Variants in C14orf132 observed in about 807,000 individuals in gnomAD.
C14orf132 encodes chromosome 14 open reading frame 132, also known as uncharacterized protein C14orf132.
Under a neutral mutation model 5.8 loss-of-function variants are expected in C14orf132, and 6 were observed. The observed-to-expected ratio is 1.03, with a 90% CI of 0.57 to 2.04. The LOEUF is 2.04. Ranked by LOEUF, C14orf132 falls within the 30% of genes most tolerant of loss-of-function variation. The pLI, the probability that C14orf132 is intolerant of heterozygous loss-of-function variation, is 0.00. For synonymous variants in C14orf132, 51 were observed against 49.8 expected (o/e 1.02, Z -0.10); for missense variants, 125 against 115.8 (o/e 1.08, Z -0.37).
At chr14:96,064,458 G>A (rs934656941) in intron 1 of C14orf132, among the ~76,000 whole-genome samples, 16 of 148,822 alleles carry the variant, frequency 1.1e-4, no homozygotes, top group African/African-American at 2.0e-4. Context: ...ATGTGTATAT[G>A]TATGTATATA....
chr14:96,040,998 T>C (rs575722725), intron 1 of C14orf132, among the ~76,000 whole-genome samples: 2 of 152,302 alleles, frequency 1.3e-5, no homozygotes, highest in Admixed American at 1.3e-4. Flanking sequence ...GAGCATCAGT[T>C]GCTGCCATGG....
intron 1 of C14orf132, among the ~76,000 whole-genome samples, chr14:96,080,787 C>T (rs1425029510): frequency 6.6e-6 from 1 of 152,132 alleles, no homozygotes; most frequent in Non-Finnish European, 1.5e-5. Context: ...ACATCGCACT[C>T]AGCCACCCCA....
intron 1 of C14orf132, among the ~76,000 whole-genome samples, chr14:96,069,624 G>C (rs963383379): frequency 1.3e-5 from 2 of 151,794 alleles, no homozygotes; most frequent in East Asian, 1.9e-4. Context: ...GCTTTTGAAG[G>C]CTTCAGCCTC....
At chr14:96,048,221 G>T (rs967361585) in intron 1 of C14orf132, among the ~76,000 whole-genome samples, 14 of 152,108 alleles carry the variant, frequency 9.2e-5, no homozygotes, top group African/African-American at 3.4e-4. Flanking sequence ...AAAGTCCATA[G>T]TTTACATTAG....
chr14:96,060,820 C>T (rs1275547027), intron 1 of C14orf132, among the ~76,000 whole-genome samples: 4 of 152,190 alleles, frequency 2.6e-5, no homozygotes, highest in Non-Finnish European at 5.9e-5. Context: ...CCACATCTCC[C>T]GTGCCAAACA....
chr14:96,075,553 G>A (rs143236757), intron 1 of C14orf132, among the ~76,000 whole-genome samples: 163 of 152,234 alleles, frequency 1.1e-3, no homozygotes, highest in African/African-American at 3.8e-3. Flanking sequence ...GCTATAGGTT[G>A]TTTGGTTTTG....
At chr14:96,051,511 C>A (rs377018719) in intron 1 of C14orf132, among the ~76,000 whole-genome samples, 1 of 152,172 alleles carries the variant, frequency 6.6e-6, no homozygotes, top group Non-Finnish European at 1.5e-5. Context: ...TCGTGAGGAC[C>A]CCTCATCCAT....
intron 1 of C14orf132, among the ~76,000 whole-genome samples, chr14:96,056,440 G>A (rs971306899): frequency 3.9e-5 from 6 of 152,210 alleles, no homozygotes; most frequent in East Asian, 1.9e-4. Context: ...GGGCTCCGCT[G>A]AGGAACTCAG....
At chr14:96,046,835 A>AG (rs1886843559) in intron 1 of C14orf132, among the ~76,000 whole-genome samples, 2 of 152,192 alleles carry the variant, frequency 1.3e-5, no homozygotes, top group South Asian at 2.1e-4. Context: ...TTTTTCACAG[A>AG]GGGGAAAAAA....
intron 1 of C14orf132, among the ~76,000 whole-genome samples, chr14:96,060,322 G>A (rs1887313576): frequency 6.6e-6 from 1 of 152,168 alleles, no homozygotes. Context: ...CCCCACACTG[G>A]CTGTGTGATC....
rs61985274 is a variant in C14orf132, at chr14:96,092,686, G to C, written c.*5951G>C. On this transcript the variant is annotated 3_prime_UTR_variant, in exon 2 of 2. Coordinates refer to ENST00000555004, the MANE Select transcript of C14orf132 (RefSeq NM_001252507.3). ...TAACTTGAGGAAAATGAATCTCTGA[G>C]AGGCTTGAGAGTGTTGCCAGGTGGA... 9,713 of 152,306 alleles carry C rather than the reference G, an allele frequency of 0.064. 315 individuals are homozygous for C. Among genetic ancestry groups the C allele is most frequent in the African/African-American group, 0.078 (3,237 of 41,552 alleles). 9.4% of individuals were successfully genotyped at this position (152,306 alleles called of 1,614,324 possible). A position where few individuals can be genotyped will look rare whatever the true frequency, so the allele number is the denominator to read the frequency against.
intron 1 of C14orf132, among the ~76,000 whole-genome samples, chr14:96,049,876 T>C (rs1250226225): frequency 6.6e-6 from 1 of 151,564 alleles, no homozygotes; most frequent in African/African-American, 2.4e-5. Flanking sequence ...CTATTAATAA[T>C]AGCCCCACCC....
intron 1 of C14orf132, among the ~76,000 whole-genome samples, chr14:96,055,907 T>C (rs959321943): frequency 6.6e-6 from 1 of 152,192 alleles, no homozygotes; most frequent in Non-Finnish European, 1.5e-5. Context: ...TTGCAAGGCT[T>C]GGAGCAGAGA....
At chr14:96,065,362 G>A (rs1887500726) in intron 1 of C14orf132, among the ~76,000 whole-genome samples, 2 of 152,126 alleles carry the variant, frequency 1.3e-5, no homozygotes, top group Admixed American at 6.5e-5. Context: ...TTCATGCCAT[G>A]ATTACTACTG....
chr14:96,057,169 G>C (rs1222110775), intron 1 of C14orf132, among the ~76,000 whole-genome samples: 1 of 152,172 alleles, frequency 6.6e-6, no homozygotes, highest in Non-Finnish European at 1.5e-5. Flanking sequence ...GGGCTTTTAG[G>C]AAGTGATTAG....
intron 1 of C14orf132, among the ~76,000 whole-genome samples, chr14:96,076,534 T>C (rs1196799055): frequency 6.6e-6 from 1 of 152,204 alleles, no homozygotes; most frequent in Non-Finnish European, 1.5e-5. Context: ...TCCAACATTT[T>C]TGCTTCCCTG....
chr14:96,072,347 G>A (rs1887738068), intron 1 of C14orf132, among the ~76,000 whole-genome samples: 1 of 152,222 alleles, frequency 6.6e-6, no homozygotes, highest in African/African-American at 2.4e-5. Flanking sequence ...CTGACCCTGG[G>A]TGCTTGGGCC....
chr14:96,089,205 T>G lies in C14orf132; in HGVS notation c.*2470T>G, dbSNP rs1335019342. ...TGGCCACAGCGAGCTGCACTCTCCCTCCTGCCTCAGCCGGGGTCCGTCTTA... is the reference window on the plus strand; with the variant it reads ...TGGCCACAGCGAGCTGCACTCTCCCGCCTGCCTCAGCCGGGGTCCGTCTTA... On this transcript the variant is annotated 3_prime_UTR_variant, in exon 2 of 2. Coordinates refer to ENST00000555004, the MANE Select transcript of C14orf132 (RefSeq NM_001252507.3). The G allele has an allele frequency of 2.0e-5, 3 of 152,358 alleles. No individual in the cohort carries two copies. In the East Asian group the frequency reaches 5.8e-4, roughly 29 times the overall value. 9.4% of individuals were successfully genotyped at this position (152,358 alleles called of 1,614,324 possible).
At chr14:96,065,716 C>A (rs1235803633) in intron 1 of C14orf132, among the ~76,000 whole-genome samples, 1 of 151,660 alleles carries the variant, frequency 6.6e-6, no homozygotes, top group Non-Finnish European at 1.5e-5. Flanking sequence ...AACGAGATAA[C>A]AATTGAACAA....
Sources: gnomAD v4.1 joint callset for allele counts (sites outside exome capture counted in the v4.1 genomes callset) on GRCh38, gnomAD v4.1.1 for gene constraint, MANE v1.5 for transcripts, NCBI Gene and HGNC (gene_info 2026-07-23, HGNC 2026-07-21) for gene names.